The following IL33 variants were observed in gnomAD, a reference collection of about 807,000 sequenced individuals.
IL33 encodes interleukin-33.
A neutral mutation model predicts 27.3 loss-of-function variants in IL33; 37 were observed. That is an observed-to-expected ratio of 1.36 (90% CI 1.04 to 1.78). The LOEUF is 1.78. IL33 is among the 40% of genes most tolerant of loss of function. IL33 has a pLI of 0.00. For missense variants in IL33, 406 were observed against 311.4 expected (o/e 1.30, Z -2.29); for synonymous variants, 132 against 102.9 (o/e 1.28, Z -1.71).
At chr9:6,237,101 AC>A (rs1819263024) in intron 1 of IL33, among the ~76,000 whole-genome samples, 1 of 152,210 alleles carries the variant, frequency 6.6e-6, no homozygotes, top group Non-Finnish European at 1.5e-5. Context: ...ATTGCTGACT[AC>A]AGGAAACCTC....
At chr9:6,250,362 T>C in intron 2 of IL33, 112 bp from the exon 3 acceptor site, 2 of 1,247,150 alleles carry the variant, frequency 1.6e-6, no homozygotes, top group Admixed American at 2.3e-5. Flanking sequence ...TAAGGATTTC[T>C]GATAAGATAC....
intron 1 of IL33, among the ~76,000 whole-genome samples, chr9:6,231,356 T>A (rs1443363702): frequency 6.6e-6 from 1 of 152,192 alleles, no homozygotes; most frequent in Non-Finnish European, 1.5e-5. Context: ...TTGCCCGCTC[T>A]GCTCCAGCCA....
intron 1 of IL33, among the ~76,000 whole-genome samples, chr9:6,223,958 G>C (rs1053321949): frequency 2.6e-5 from 4 of 152,122 alleles, no homozygotes; most frequent in Non-Finnish European, 5.9e-5. Flanking sequence ...CTGAGCATCA[G>C]ATACTCAGAG....
In IL33 at chr9:6,241,721, C is replaced by T. The variant is rs746002088; in HGVS notation, c.27C>T (p.Thr9=). Residue 9 remains threonine (T), a synonymous_variant, in exon 2 of 8, where the codon ACC becomes ACT. Coordinates refer to ENST00000682010, the MANE Select transcript of IL33 (RefSeq NM_033439.4). MKPKMKYS[T]NKISTAKWKN... Reference sequence around the variant, plus strand: ...TGAAGCCTAAAATGAAGTATTCAACCAACAAAATTTCCACAGCAAAGTGGA... The same window carrying T: ...TGAAGCCTAAAATGAAGTATTCAACTAACAAAATTTCCACAGCAAAGTGGA... The T allele has an allele frequency of 1.2e-6, 2 of 1,610,414 alleles. No individual in the cohort carries two copies. Among genetic ancestry groups the T allele is most frequent in the South Asian group, 1.1e-5 (1 of 90,448 alleles).
At chr9:6,254,896 T>G (rs1426342114) in intron 7 of IL33, among the ~76,000 whole-genome samples, 2 of 152,146 alleles carry the variant, frequency 1.3e-5, no homozygotes, top group African/African-American at 2.4e-5. Flanking sequence ...GCCTTAAAGT[T>G]TGAGAAGCAC....
intron 2 of IL33, among the ~76,000 whole-genome samples, chr9:6,247,274 C>T (rs896520167): frequency 6.6e-6 from 1 of 152,160 alleles, no homozygotes; most frequent in African/African-American, 2.4e-5. Flanking sequence ...CAGAGAGAAA[C>T]AAGAAGAACC....
intron 2 of IL33, among the ~76,000 whole-genome samples, chr9:6,248,984 T>C (rs1438690299): frequency 3.3e-5 from 5 of 152,234 alleles, no homozygotes; most frequent in African/African-American, 9.6e-5. Context: ...AAATTACTTG[T>C]CAGGAGAATA....
At chr9:6,224,177 T>G (rs1411690102) in intron 1 of IL33, among the ~76,000 whole-genome samples, 1 of 152,172 alleles carries the variant, frequency 6.6e-6, no homozygotes, top group East Asian at 1.9e-4. Flanking sequence ...AAAGCTGCCT[T>G]CAGATGAAGG....
At chr9:6,251,420 T>C (rs984359966) in intron 4 of IL33, among the ~76,000 whole-genome samples, 155 bp downstream of exon 4, 7 of 152,120 alleles carry the variant, frequency 4.6e-5, no homozygotes, top group African/African-American at 1.7e-4. Flanking sequence ...TCTAATAGTA[T>C]CCAAAGTAGG....
At chr9:6,249,386 T>C (rs1296017216) in intron 2 of IL33, among the ~76,000 whole-genome samples, 1 of 152,232 alleles carries the variant, frequency 6.6e-6, no homozygotes, top group East Asian at 1.9e-4. Flanking sequence ...TTTGACTTCA[T>C]TGTATAAATT....
intron 1 of IL33, among the ~76,000 whole-genome samples, chr9:6,216,503 G>C (rs907065183): frequency 2.0e-5 from 3 of 152,204 alleles, no homozygotes; most frequent in Admixed American, 1.3e-4. Context: ...GGGAGGCCGA[G>C]GTGGGTGAAT....
chr9:6,216,955 C>A (rs1382465753), intron 1 of IL33, among the ~76,000 whole-genome samples: 2 of 152,172 alleles, frequency 1.3e-5, no homozygotes, highest in African/African-American at 2.4e-5. Context: ...CAGGGCCAGC[C>A]AGCCATGCCA....
intron 1 of IL33, among the ~76,000 whole-genome samples, chr9:6,225,180 C>CA (rs371685924): frequency 6.2e-4 from 95 of 152,238 alleles, no homozygotes; most frequent in Non-Finnish European, 9.4e-4. Flanking sequence ...TACCCCCATC[C>CA]AAAAAATGTG....
chr9:6,236,329 A>C (rs1236097860), intron 1 of IL33, among the ~76,000 whole-genome samples: 1 of 152,216 alleles, frequency 6.6e-6, no homozygotes, highest in South Asian at 2.1e-4. Flanking sequence ...ACATAGAAAA[A>C]AGAATGTCAG....
In IL33 at chr9:6,257,966, G is replaced by A. The variant is rs1816835857; in HGVS notation, c.*1798G>A. ...TACATTGTTTATATTATTGAATAAA[G>A]TATATTTTCCAAATGTATGTGAGAC... On this transcript the variant is annotated 3_prime_UTR_variant, in exon 8 of 8. Coordinates refer to ENST00000682010, the MANE Select transcript of IL33 (RefSeq NM_033439.4). The A allele has an allele frequency of 6.6e-6, 1 of 152,084 alleles. No individual in the cohort carries two copies. 9.4% of individuals were successfully genotyped at this position (152,084 alleles called of 1,614,324 possible). A position where few individuals can be genotyped will look rare whatever the true frequency, so the allele number is the denominator to read the frequency against.
At chr9:6,241,168 G>C (rs1053600943) in intron 1 of IL33, among the ~76,000 whole-genome samples, 1 of 152,054 alleles carries the variant, frequency 6.6e-6, no homozygotes, top group African/African-American at 2.4e-5. Flanking sequence ...AACTGCCTGA[G>C]GCTGCTTTAC....
intron 2 of IL33, among the ~76,000 whole-genome samples, chr9:6,247,614 A>G (rs1178378763): frequency 6.6e-6 from 1 of 152,154 alleles, no homozygotes; most frequent in African/African-American, 2.4e-5. Context: ...CATTGCCCTC[A>G]GCGAGCAGGC....
chr9:6,240,684 C>T (rs79890344), intron 1 of IL33, among the ~76,000 whole-genome samples: 2,144 of 152,186 alleles, frequency 0.014, 22 homozygotes, highest in Non-Finnish European at 0.024. Context: ...AATGTGAAGG[C>T]GTAGGTCGTT....
At position 6,216,492 on chromosome 9, in the gene IL33, T is replaced by C. The variant is rs565694987; in HGVS notation, c.-12+640T>C. 5.9e-5 allele frequency among the ~76,000 whole-genome samples: 9 copies of C among 152,236 alleles called. No homozygotes were observed. The East Asian group carries it at 1.7e-3, about 29-fold the overall frequency. The stretch of plus-strand genomic sequence containing the variant: ...GTTCAAGCCTGTAATCCCAACACTT[T>C]GGGAGGCCGAGGTGGGTGAATCGCC... On this transcript the variant is annotated intron_variant, in intron 1 of 7. Transcript: ENST00000682010.
Sources: gnomAD v4.1 joint callset for allele counts (sites outside exome capture counted in the v4.1 genomes callset) on GRCh38, gnomAD v4.1.1 for gene constraint, MANE v1.5 for transcripts, NCBI Gene and HGNC (gene_info 2026-07-23, HGNC 2026-07-21) for gene names.